TENM3: variants seen among roughly 807,000 people sequenced by gnomAD.
The protein encoded by TENM3 is teneurin-3.
In TENM3, 63 loss-of-function variants were observed where a neutral mutation model predicts 255.1. The observed-to-expected ratio is 0.25, with a 90% CI of 0.20 to 0.30. TENM3 has a LOEUF of 0.30. TENM3 is among the 10% of genes least tolerant of loss of function. The pLI is 1.00. For missense variants in TENM3, 2,929 were observed against 3,461.1 expected, an observed-to-expected ratio of 0.85 and a Z score of 3.86; for synonymous variants, 1,306 against 1,322.3, an observed-to-expected ratio of 0.99 and a Z score of 0.27.
the TENM3 span, among the ~76,000 whole-genome samples, chr4:181,627,995 C>T: frequency 6.6e-6 from 1 of 152,096 alleles, no homozygotes; most frequent in African/African-American, 2.4e-5. Flanking sequence ...CTCTCCAGCA[C>T]CTGTTGTTTC....
At chr4:182,076,993 T>G in the TENM3 span, among the ~76,000 whole-genome samples, 9 of 152,196 alleles carry the variant, frequency 5.9e-5, no homozygotes, top group African/African-American at 1.9e-4. Context: ...GATAAATCCC[T>G]CAAAACTCAA....
intron 6 of TENM3, among the ~76,000 whole-genome samples, chr4:182,665,820 C>A (rs1418681997): frequency 6.6e-6 from 1 of 151,992 alleles, no homozygotes. Flanking sequence ...GGCATGAACC[C>A]GGGAGGCGGA....
the TENM3 span, among the ~76,000 whole-genome samples, chr4:182,000,979 G>A: frequency 1.4e-5 from 2 of 145,786 alleles, no homozygotes; most frequent in Non-Finnish European, 3.0e-5. Context: ...CCTGGCCGAA[G>A]CAGAGAAAGG....
chr4:181,662,371 C>A, the TENM3 span, among the ~76,000 whole-genome samples: 1 of 152,216 alleles, frequency 6.6e-6, no homozygotes, highest in African/African-American at 2.4e-5. Flanking sequence ...AATCCTTGGG[C>A]CTTCCTACTT....
chr4:182,671,309 A>G (rs1211024747), intron 6 of TENM3, among the ~76,000 whole-genome samples: 1 of 152,098 alleles, frequency 6.6e-6, no homozygotes, highest in East Asian at 1.9e-4. Flanking sequence ...CTGACTCCAA[A>G]ACGGGTTTTC....
the TENM3 span, among the ~76,000 whole-genome samples, chr4:182,066,246 A>C: frequency 1.3e-5 from 2 of 151,820 alleles, no homozygotes; most frequent in South Asian, 4.1e-4. Flanking sequence ...ACACCTGATG[A>C]CGTCAACCTT....
chr4:182,589,278 G>T (rs186331267), intron 3 of TENM3, among the ~76,000 whole-genome samples: 82 of 151,916 alleles, frequency 5.4e-4, no homozygotes, highest in African/African-American at 1.7e-3. Flanking sequence ...GATTTTCTCA[G>T]ATCTGTTTTC....
the TENM3 span, among the ~76,000 whole-genome samples, chr4:181,662,450 A>G: frequency 6.6e-6 from 1 of 152,164 alleles, no homozygotes; most frequent in Non-Finnish European, 1.5e-5. Context: ...TGCAATCATC[A>G]TATTAGTCTA....
At chr4:181,610,802 T>C in the TENM3 span, among the ~76,000 whole-genome samples, 1 of 152,290 alleles carries the variant, frequency 6.6e-6, no homozygotes, top group South Asian at 2.1e-4. Flanking sequence ...GGAAGCTACC[T>C]GTTTATCAGG....
chr4:182,459,245 A>C (rs1774140062), intron 3 of TENM3, among the ~76,000 whole-genome samples: 1 of 152,198 alleles, frequency 6.6e-6, no homozygotes, highest in South Asian at 2.1e-4. Context: ...AGGCCTTTTC[A>C]AAAGAGAAAT....
chr4:181,633,245 A>G, the TENM3 span, among the ~76,000 whole-genome samples: 1 of 152,206 alleles, frequency 6.6e-6, no homozygotes, highest in Non-Finnish European at 1.5e-5. Context: ...TCAGTATTTT[A>G]AAATTCAAAG....
At chr4:182,459,433 TG>T (rs1774157196) in intron 3 of TENM3, among the ~76,000 whole-genome samples, 1 of 152,184 alleles carries the variant, frequency 6.6e-6, no homozygotes, top group South Asian at 2.1e-4. Flanking sequence ...GTGTCTTTAA[TG>T]GGTAGAACAA....
rs1399499168 is a variant in TENM3 at position 182,367,579 on chromosome 4, A to G, written c.511+20650A>G. Among the ~76,000 whole-genome samples the G allele has an allele frequency of 2.0e-5, 3 of 152,286 alleles. No individual in the cohort carries two copies. The South Asian group carries it at 6.2e-4, about 32-fold the overall frequency. ...ACAGGGCTCTGTAATGTGAGAGAAG[A>G]AGAGTGAAAAGCCAAAATGACTCCA... On this transcript the variant is annotated intron_variant, in intron 3 of 27. Coordinates refer to ENST00000511685, the MANE Select transcript of TENM3 (RefSeq NM_001080477.4).
the TENM3 span, among the ~76,000 whole-genome samples, chr4:182,114,636 C>G: frequency 6.6e-6 from 1 of 151,946 alleles, no homozygotes; most frequent in African/African-American, 2.4e-5. Flanking sequence ...TAATAAACAT[C>G]TTCTGTTAAG....
chr4:182,217,210 A>G (rs1398063756), intron 1 of TENM3, among the ~76,000 whole-genome samples: 1 of 151,412 alleles, frequency 6.6e-6, no homozygotes, highest in African/African-American at 2.4e-5. Context: ...TAGTAGAGAC[A>G]GGGTTTCGTC....
intron 1 of TENM3, among the ~76,000 whole-genome samples, chr4:182,275,966 C>CA (rs978867840): frequency 2.6e-5 from 4 of 151,846 alleles, no homozygotes; most frequent in African/African-American, 9.7e-5. Flanking sequence ...GTCAATCAAT[C>CA]AAAAAAAATT....
chr4:181,484,971 A>G, the TENM3 span, among the ~76,000 whole-genome samples: 2 of 152,154 alleles, frequency 1.3e-5, no homozygotes, highest in Non-Finnish European at 2.9e-5. Flanking sequence ...AACAATACAC[A>G]TATCTACTTA....
chr4:182,747,941 T>A (rs1762124383), intron 19 of TENM3, among the ~76,000 whole-genome samples: 1 of 152,198 alleles, frequency 6.6e-6, no homozygotes, highest in Non-Finnish European at 1.5e-5. Context: ...TCTTCAAATG[T>A]CTTGTGTTCT....
At chr4:182,798,957 G>C (rs1045571560) in intron 27 of TENM3, among the ~76,000 whole-genome samples, 1 of 152,084 alleles carries the variant, frequency 6.6e-6, no homozygotes, top group Non-Finnish European at 1.5e-5. Flanking sequence ...CAGTCTAGAC[G>C]GTCCACTGTC....
Sources: allele counts gnomAD v4.1 joint callset (sites outside exome capture counted in the v4.1 genomes callset), GRCh38; gene constraint gnomAD v4.1.1; transcripts MANE v1.5; gene names NCBI Gene and HGNC (gene_info 2026-07-23, HGNC 2026-07-21).